The following CIMIP6 variants were observed in gnomAD, a reference collection of about 807,000 sequenced individuals.
CIMIP6 encodes the protein uncharacterized protein C2orf73.
chr2:54,381,476 G>A, the CIMIP6 span, among the ~76,000 whole-genome samples: 1 of 152,180 alleles, frequency 6.6e-6, no homozygotes, highest in South Asian at 2.1e-4. Context: ...ACCCCTTACA[G>A]GGAACGTTAC....
chr2:54,383,899 C>T, the CIMIP6 span, among the ~76,000 whole-genome samples: 1 of 152,122 alleles, frequency 6.6e-6, no homozygotes, highest in East Asian at 1.9e-4. Flanking sequence ...GGTAGGCCCC[C>T]TTCACACTCT....
the CIMIP6 span, chr2:54,382,077 T>A: frequency 3.6e-5 from 50 of 1,382,438 alleles, no homozygotes; most frequent in Non-Finnish European, 4.5e-5. Flanking sequence ...GAGAACTTAA[T>A]AAAGTCAGTC....
the CIMIP6 span, among the ~76,000 whole-genome samples, chr2:54,369,135 A>G: frequency 6.6e-6 from 1 of 152,170 alleles, no homozygotes; most frequent in Non-Finnish European, 1.5e-5. Context: ...TTTTCCTCTC[A>G]TGACAAGCAC....
the CIMIP6 span, among the ~76,000 whole-genome samples, chr2:54,368,407 T>C: frequency 6.6e-6 from 1 of 152,260 alleles, no homozygotes; most frequent in African/African-American, 2.4e-5. Flanking sequence ...CCCTGTCAGA[T>C]GTCTGCTTGC....
the CIMIP6 span, among the ~76,000 whole-genome samples, chr2:54,335,610 G>T: frequency 1.3e-5 from 2 of 152,150 alleles, no homozygotes; most frequent in African/African-American, 2.4e-5. Flanking sequence ...ACTATCCCAT[G>T]CTAAAAATAT....
chr2:54,345,091 A>G, the CIMIP6 span, among the ~76,000 whole-genome samples: 1 of 152,182 alleles, frequency 6.6e-6, no homozygotes, highest in South Asian at 2.1e-4. Flanking sequence ...GTAGGGAGGC[A>G]AAATTATTTT....
chr2:54,383,009 C>A, the CIMIP6 span: 1 of 152,322 alleles, frequency 6.6e-6, no homozygotes. Flanking sequence ...CTCTCTCTCC[C>A]CTCCCTCTGC....
chr2:54,334,371 T>G, the CIMIP6 span, among the ~76,000 whole-genome samples: 2 of 152,208 alleles, frequency 1.3e-5, no homozygotes, highest in Non-Finnish European at 2.9e-5. Context: ...CAGACAAACT[T>G]TTAAAATTAA....
the CIMIP6 span, chr2:54,381,933 GT>G: frequency 1.0e-5 from 16 of 1,549,728 alleles, no homozygotes; most frequent in East Asian, 2.5e-5. Context: ...TCACGGGCAT[GT>G]TTTTTTAGGT....
At chr2:54,365,179 C>T in the CIMIP6 span, among the ~76,000 whole-genome samples, 1 of 152,112 alleles carries the variant, frequency 6.6e-6, no homozygotes, top group African/African-American at 2.4e-5. Context: ...GATTCATTAC[C>T]ACCTAGATGA....
At chr2:54,345,450 T>C in the CIMIP6 span, among the ~76,000 whole-genome samples, 1 of 152,180 alleles carries the variant, frequency 6.6e-6, no homozygotes, top group Non-Finnish European at 1.5e-5. Context: ...GAGGATATCT[T>C]TTACGTAGGA....
the CIMIP6 span, among the ~76,000 whole-genome samples, chr2:54,382,859 G>T: frequency 6.6e-6 from 1 of 152,208 alleles, no homozygotes. Flanking sequence ...CTTCTTTCAA[G>T]AAGTGGAACT....
At chr2:54,380,077 AG>A in the CIMIP6 span, among the ~76,000 whole-genome samples, 2 of 151,934 alleles carry the variant, frequency 1.3e-5, no homozygotes, top group East Asian at 3.9e-4. Flanking sequence ...TGGAAGGTTG[AG>A]GCTGCAGTGG....
At chr2:54,377,050 T>C in the CIMIP6 span, among the ~76,000 whole-genome samples, 1 of 152,180 alleles carries the variant, frequency 6.6e-6, no homozygotes, top group African/African-American at 2.4e-5. Context: ...CTCGGCCAAG[T>C]CTCAAAGGAG....
chr2:54,358,401 A>AT, the CIMIP6 span, among the ~76,000 whole-genome samples: 5,114 of 148,314 alleles, frequency 0.034, 268 homozygotes, highest in African/African-American at 0.11. Context: ...ATATCTAACA[A>AT]TTTTTTTTTT....
At chr2:54,339,456 T>A in the CIMIP6 span, among the ~76,000 whole-genome samples, 2 of 75,188 alleles carry the variant, frequency 2.7e-5, 1 homozygote, top group African/African-American at 8.9e-5. Context: ...CTCCTTTGTA[T>A]AACACCTATT....
At chr2:54,373,344 C>G in the CIMIP6 span, among the ~76,000 whole-genome samples, 85 of 152,144 alleles carry the variant, frequency 5.6e-4, 1 homozygote, top group African/African-American at 1.9e-3. Flanking sequence ...CTTCACACCC[C>G]CCATGGCTGT....
At chr2:54,356,061 C>T in the CIMIP6 span, among the ~76,000 whole-genome samples, 1 of 151,374 alleles carries the variant, frequency 6.6e-6, no homozygotes, top group Admixed American at 6.6e-5. Flanking sequence ...TATCACAAAA[C>T]CTATTTAGAC....
the CIMIP6 span, among the ~76,000 whole-genome samples, chr2:54,369,396 G>A: frequency 1.3e-5 from 2 of 152,144 alleles, no homozygotes; most frequent in Admixed American, 1.3e-4. Context: ...AGGTCTTGGA[G>A]CAGTTCATCT....
Sources: gnomAD v4.1 joint callset for allele counts (sites outside exome capture counted in the v4.1 genomes callset) on GRCh38, gnomAD v4.1.1 for gene constraint, MANE v1.5 for transcripts, NCBI Gene and HGNC (gene_info 2026-07-23, HGNC 2026-07-21) for gene names.